Variants in CEP112 observed in about 807,000 individuals in gnomAD.
CEP112 encodes the protein centrosomal protein 112.
CEP112 carries 127 observed loss-of-function variants against 153.0 expected under a neutral mutation model. That is an observed-to-expected ratio of 0.83 (90% CI 0.72 to 0.96). The LOEUF is 0.96. CEP112 is among the 40% of genes least tolerant of loss of function. The probability of loss-of-function intolerance (pLI) is 0.00; values close to 1 mark genes in which losing one functional copy is unlikely to be tolerated. For synonymous variants in CEP112, 358 were observed against 374.4 expected, an observed-to-expected ratio of 0.96 and a Z score of 0.51; for missense variants, 1,089 against 1,101.2, an observed-to-expected ratio of 0.99 and a Z score of 0.16.
At chr17:66,074,873 G>GAAAAAAAAAAAAAAAAAAAAAAAA (rs1242846957) in intron 8 of CEP112, among the ~76,000 whole-genome samples, 1 of 91,280 alleles carries the variant, frequency 1.1e-5, no homozygotes, top group Admixed American at 1.1e-4. Flanking sequence ...AAAAAAAAAA[G>GAAAAAAAAAAAAAAAAAAAAAAAA]AAAAAAAAAA....
intron 17 of CEP112, among the ~76,000 whole-genome samples, chr17:65,988,046 A>T (rs2063468729): frequency 1.3e-5 from 2 of 152,142 alleles, no homozygotes; most frequent in African/African-American, 4.8e-5. Flanking sequence ...AAAAGACACC[A>T]AATCAGAGTG....
Position 66,092,935 on chromosome 17 carries a change from C to T in CEP112, c.768+3316G>A, listed in dbSNP as rs188077740. On this transcript the variant is annotated intron_variant, in intron 8 of 26. Transcript: ENST00000535342. Reference sequence around the variant, plus strand: ...ATATTCAACAGTGAAAAACTGAAAGCTTTTCCTCTAAGATCAGAAATGAGA... The same window carrying T: ...ATATTCAACAGTGAAAAACTGAAAGTTTTTCCTCTAAGATCAGAAATGAGA... Among the ~76,000 whole-genome samples the T allele has an allele frequency of 2.0e-4, 30 of 152,240 alleles. No homozygotes were observed. In the East Asian group the frequency reaches 5.2e-3, roughly 26 times the overall value.
chr17:65,978,187 T>C (rs973831569), intron 17 of CEP112, among the ~76,000 whole-genome samples: 1 of 152,004 alleles, frequency 6.6e-6, no homozygotes, highest in African/African-American at 2.4e-5. Context: ...AGCCCAGAGG[T>C]TGAGGCTGCA....
At chr17:65,811,705 C>T (rs906932059) in intron 21 of CEP112, among the ~76,000 whole-genome samples, 12 of 152,072 alleles carry the variant, frequency 7.9e-5, no homozygotes, top group African/African-American at 1.4e-4. Flanking sequence ...GAAAGTGAAG[C>T]GCTGTGAATG....
rs768573557 is a variant in CEP112, at chr17:66,028,313, C to G, written c.1596G>C (p.Arg532Ser). 6.4e-7 allele frequency: 1 copy of G among 1,561,792 alleles called. No individual in the cohort carries two copies. Among genetic ancestry groups the G allele is most frequent in the South Asian group, 1.1e-5 (1 of 88,168 alleles). Reference sequence around the variant, plus strand: ...TTCTGTGTAGAAATACAAGACTCACCCTTAGTTGTTGCTTTCTTTGAAGTT... The same window carrying G: ...TTCTGTGTAGAAATACAAGACTCACGCTTAGTTGTTGCTTTCTTTGAAGTT... Reference protein sequence around the residue: ...ESELQRKQQLRDQENKFQMEK... With the variant: ...ESELQRKQQLSDQENKFQMEK... The change falls in exon 15 of 27, where the codon AGG (arginine) becomes AGC (serine). Residue 532 changes from arginine to serine, a missense_variant and splice_region_variant. Coordinates refer to ENST00000535342, the MANE Select transcript of CEP112 (RefSeq NM_001199165.4).
At chr17:65,862,430 T>C (rs1404902258) in intron 20 of CEP112, among the ~76,000 whole-genome samples, 1 of 151,952 alleles carries the variant, frequency 6.6e-6, no homozygotes, top group Non-Finnish European at 1.5e-5. Flanking sequence ...ATACTAAAAA[T>C]ACAAAAAATT....
intron 8 of CEP112, among the ~76,000 whole-genome samples, chr17:66,095,203 T>A (rs964134222): frequency 2.6e-5 from 4 of 152,176 alleles, no homozygotes; most frequent in Admixed American, 2.6e-4. Flanking sequence ...CACCCCCATG[T>A]TCACTGCAGC....
chr17:65,670,345 TTTATAACTCAG>T, intron 24 of CEP112, among the ~76,000 whole-genome samples: 1 of 152,068 alleles, frequency 6.6e-6, no homozygotes, highest in African/African-American at 2.4e-5. Context: ...TCTGTATATT[TTTATAACTCAG>T]TTGTAACTAA....
At chr17:65,880,778 A>T (rs192747270) in intron 20 of CEP112, among the ~76,000 whole-genome samples, 232 of 152,334 alleles carry the variant, frequency 1.5e-3, no homozygotes, top group African/African-American at 5.4e-3. Context: ...AGTGCTCAAC[A>T]TCAGTTAAAC....
rs2146556081 is a variant in CEP112, at chr17:65,877,294, G to A, written c.2163+24858C>T. ...GGGCCATGCAGGAAGAACAAGTGTG[G>A]CCAGGAAATGCAGGGGCAGATGCCC... On this transcript the variant is annotated intron_variant, in intron 20 of 26. Coordinates refer to ENST00000535342, the MANE Select transcript of CEP112 (RefSeq NM_001199165.4). Among the ~76,000 whole-genome samples, 2 of 152,332 alleles carry A rather than the reference G, an allele frequency of 1.3e-5. 1 individual carries two copies. Among genetic ancestry groups the A allele is most frequent in the South Asian group, 4.1e-4 (2 of 4,824 alleles).
intron 24 of CEP112, among the ~76,000 whole-genome samples, chr17:65,641,663 T>C (rs1392748020): frequency 6.6e-6 from 1 of 152,100 alleles, no homozygotes; most frequent in Non-Finnish European, 1.5e-5. Context: ...GGAGGATCCT[T>C]TGAGCCCAGG....
intron 11 of CEP112, among the ~76,000 whole-genome samples, chr17:66,060,143 AAG>A (rs2066868484): frequency 6.6e-6 from 1 of 152,110 alleles, no homozygotes; most frequent in African/African-American, 2.4e-5. Context: ...TCCTAGAGGA[AAG>A]AGGGGGACAA....
intron 21 of CEP112, among the ~76,000 whole-genome samples, chr17:65,843,212 T>C (rs1221437255): frequency 1.3e-5 from 2 of 152,180 alleles, no homozygotes; most frequent in African/African-American, 4.8e-5. Context: ...GTTATTTGTG[T>C]ATGTTTTTAC....
At chr17:66,139,694 G>A (rs552007645) in intron 4 of CEP112, among the ~76,000 whole-genome samples, 56 of 152,182 alleles carry the variant, frequency 3.7e-4, no homozygotes, top group Non-Finnish European at 6.6e-4. Flanking sequence ...CAGATGAGAT[G>A]ACCAAATTAC....
chr17:66,112,103 C>T (rs1274822359), intron 6 of CEP112, among the ~76,000 whole-genome samples: 1 of 151,902 alleles, frequency 6.6e-6, no homozygotes. Flanking sequence ...CCAGCCTGGC[C>T]AACATGGTAA....
intron 21 of CEP112, among the ~76,000 whole-genome samples, chr17:65,811,561 G>A (rs1020455953): frequency 6.6e-6 from 1 of 152,104 alleles, no homozygotes; most frequent in Admixed American, 6.5e-5. Context: ...GAAACCGAGA[G>A]GCCAATGAGT....
At chr17:66,174,029 T>C (rs989306450) in intron 4 of CEP112, among the ~76,000 whole-genome samples, 8 of 152,030 alleles carry the variant, frequency 5.3e-5, no homozygotes, top group Non-Finnish European at 7.4e-5. Context: ...CCTGGGTTCA[T>C]GCCATTCTCC....
chr17:65,853,264 C>T (rs1214418508), intron 20 of CEP112, among the ~76,000 whole-genome samples: 1 of 151,872 alleles, frequency 6.6e-6, no homozygotes, highest in Non-Finnish European at 1.5e-5. Flanking sequence ...AGTCACTGTG[C>T]CTTGGTGTGT....
At chr17:66,189,859 T>C (rs1316396043) in intron 1 of CEP112, among the ~76,000 whole-genome samples, 1 of 151,482 alleles carries the variant, frequency 6.6e-6, no homozygotes, top group African/African-American at 2.4e-5. Context: ...AGTGAGACCC[T>C]GTCTCTACAA....
Sources: gnomAD v4.1 joint callset for allele counts (sites outside exome capture counted in the v4.1 genomes callset) on GRCh38, gnomAD v4.1.1 for gene constraint, MANE v1.5 for transcripts, NCBI Gene and HGNC (gene_info 2026-07-23, HGNC 2026-07-21) for gene names.